The following REC8 variants were observed in gnomAD, a reference collection of about 807,000 sequenced individuals.
REC8 encodes the protein meiotic recombination protein REC8 homolog.
A neutral mutation model predicts 78.3 loss-of-function variants in REC8; 42 were observed. That is an observed-to-expected ratio of 0.54 (90% confidence interval 0.42 to 0.69). The LOEUF is 0.69. Ranked by LOEUF, REC8 falls within the 30% of genes least tolerant of loss-of-function variation. The pLI is 0.00. For synonymous variants in REC8, 268 were observed against 274.1 expected, an observed-to-expected ratio of 0.98 and a Z score of 0.22; for missense variants, 581 against 715.8, an observed-to-expected ratio of 0.81 and a Z score of 2.15.
At chr14:24,177,089 T>A in intron 7 of REC8, 52 bp from the exon 8 acceptor site, 4 of 1,580,000 alleles carry the variant, frequency 2.5e-6, no homozygotes, top group Non-Finnish European at 3.5e-6. Flanking sequence ...TCCACTTGCC[T>A]TTTTCAGAAA....
chr14:24,178,244 C>T, intron 12 of REC8, 22 bp downstream of exon 12: 2 of 1,603,094 alleles, frequency 1.2e-6, no homozygotes, highest in Non-Finnish European at 1.7e-6. Context: ...CCAGGCTTTG[C>T]CGGGGAAGGG....
Position 24,177,714 on chromosome 14 carries a change from A to AC in REC8, c.827dup (p.Glu277GlyfsTer85), listed in dbSNP as rs766853930. The AC allele has an allele frequency of 4.2e-5, 68 of 1,608,306 alleles. No homozygotes were observed. The highest frequency in any genetic ancestry group is 5.5e-5 in the Non-Finnish European group (65 of 1,177,576). On this transcript the variant is annotated frameshift_variant, in exon 11 of 19. Coordinates refer to ENST00000611366, the MANE Select transcript of REC8 (RefSeq NM_001048205.2). LOFTEE classifies it high-confidence loss of function. ...CCCCTTGGGTGTTGTTGCAGAGGTGACCCCCCCGGAGGAGCTGCGTCTGCC... is the reference window on the plus strand; with the variant it reads ...CCCCTTGGGTGTTGTTGCAGAGGTGACCCCCCCCGGAGGAGCTGCGTCTGCC...
At position 24,172,296 on chromosome 14, in the gene REC8, T is replaced by A; in HGVS notation, c.-257T>A. ...ACCCAGAAGTCTCAAGTTTGACGCA[T>A]CACGTGGCGTGCGGATCCACTGAGG... On this transcript the variant is annotated 5_prime_UTR_variant, in exon 1 of 19. Transcript: ENST00000611366. The A allele has an allele frequency of 1.9e-6, 1 of 528,742 alleles. No homozygotes were observed. Among genetic ancestry groups the A allele is most frequent in the Non-Finnish European group, 3.3e-6 (1 of 299,036 alleles). The allele number at this position is 528,742 out of a possible 1,614,324, so 32.8% of individuals were successfully genotyped here.
rs1470095485 is a variant in REC8 at position 24,179,635 on chromosome 14, C to G, written c.1360C>G (p.Pro454Ala). The G allele has an allele frequency of 6.2e-7, 1 of 1,614,204 alleles. No individual in the cohort carries two copies. Among genetic ancestry groups the G allele is most frequent in the Non-Finnish European group, 8.5e-7 (1 of 1,180,030 alleles). Residue 454 changes from proline (P) to alanine (A), a missense_variant, in exon 17 of 19, where the codon CCC becomes GCC. Transcript: ENST00000611366. ...GGAGGCGCCAGAAGCTCCTGCATTG[C>G]CCGTGGTGCCTGAACTCCCTGAGGT... ...EVEAPEAPALPVVPELPEVPM... is the reference protein window; with the variant it reads ...EVEAPEAPALAVVPELPEVPM...
In REC8 at chr14:24,177,660, G is replaced by A. The variant is rs200087129; in HGVS notation, c.815-49G>A. The A allele has an allele frequency of 6.9e-6, 11 of 1,587,496 alleles. No homozygotes were observed. In the African/African-American group the frequency reaches 1.4e-4, roughly 20 times the overall value. ...CCTGCAGTTTCTTGCCCTGGCATCT[G>A]CAAGGGGTAAGGGGCTTATGGGACA... On this transcript the variant is annotated intron_variant, in intron 10 of 18. Transcript: ENST00000611366.
In REC8 at chr14:24,176,907, T is replaced by A; in HGVS notation, c.624+6T>A. 1 of 1,610,202 alleles carries A rather than the reference T, an allele frequency of 6.2e-7. No individual in the cohort carries two copies. Among genetic ancestry groups the A allele is most frequent in the Non-Finnish European group, 8.5e-7 (1 of 1,177,028 alleles). On this transcript the variant is annotated splice_donor_region_variant and intron_variant, in intron 7 of 18. Coordinates refer to ENST00000611366, the MANE Select transcript of REC8 (RefSeq NM_001048205.2). ...TACGGATGCTGGAGATTGAGGTGAG[T>A]TCCCCTGCACACAGGGCCTGAGGTC... is the stretch of plus-strand genomic sequence containing the variant.
rs1566637675 is a variant in REC8, at chr14:24,179,386, TCCC to T, written c.1253-8_1253-6del. Reference sequence around the variant, plus strand: ...AGCAGACACCCACTAGCGCCTTTCCTCCCCCAACAGAGATCTCCCTAGAGGCAG... The same window carrying T: ...AGCAGACACCCACTAGCGCCTTTCCTCCAACAGAGATCTCCCTAGAGGCAG... On this transcript the variant is annotated splice_region_variant and splice_polypyrimidine_tract_variant and intron_variant, in intron 15 of 18. Coordinates refer to ENST00000611366, the MANE Select transcript of REC8 (RefSeq NM_001048205.2). The T allele has an allele frequency of 1.9e-6, 3 of 1,613,442 alleles. No homozygotes were observed. The highest frequency in any genetic ancestry group is 1.1e-5 in the South Asian group (1 of 91,064).
At chr14:24,175,463 T>G in intron 5 of REC8, 80 bp from the exon 6 acceptor site, 1 of 1,093,376 alleles carries the variant, frequency 9.1e-7, no homozygotes, top group Non-Finnish European at 1.4e-6. Context: ...TACCGTGCAT[T>G]GTTGAAGAAG....
chr14:24,180,428 C>G, downstream of REC8: 1 of 1,601,772 alleles, frequency 6.2e-7, no homozygotes, highest in Non-Finnish European at 8.5e-7. Flanking sequence ...TCTGGACTGG[C>G]TGCAGCCTGC....
chr14:24,175,384 A>C lies in REC8; in HGVS notation c.463-159A>C, dbSNP rs183901930. ...GGTGAGAACAGGAACTGAGGAAAGA[A>C]GACCAGAGGGCGGGTGAGTTTACTG... On this transcript the variant is annotated intron_variant, in intron 5 of 18. Transcript: ENST00000611366. 1.2e-4 allele frequency: 75 copies of C among 608,684 alleles called. No individual in the cohort carries two copies. In the East Asian group the frequency reaches 2.1e-3, roughly 17 times the overall value. 37.7% of individuals were successfully genotyped at this position (608,684 alleles called of 1,614,324 possible).
At chr14:24,174,189 G>A (rs1050529499) in intron 5 of REC8, among the ~76,000 whole-genome samples, 1 of 151,916 alleles carries the variant, frequency 6.6e-6, no homozygotes, top group African/African-American at 2.4e-5. Context: ...TCGCCTTATC[G>A]GCCAGGCTGG....
At chr14:24,175,479 GA>G in intron 5 of REC8, 63 bp from the exon 6 acceptor site, 1 of 1,296,082 alleles carries the variant, frequency 7.7e-7, no homozygotes, top group Non-Finnish European at 1.1e-6. Context: ...AGAAGGCTGT[GA>G]AAAGTGGGAA....
chr14:24,179,445 T>C lies in REC8; in HGVS notation c.1301T>C (p.Ile434Thr). 1 of 1,614,108 alleles carries C rather than the reference T, an allele frequency of 6.2e-7. No homozygotes were observed. The highest frequency in any genetic ancestry group is 8.5e-7 in the Non-Finnish European group (1 of 1,180,020). ...GAGGAGAAGTCCCGCATCAGCCTCA[T>C]CCCACCAGAAGAACGGTGGTAAGCG... ...AEEEKSRISL[I>T]PPEERWAWPE... Residue 434 changes from isoleucine to threonine, a missense_variant, in exon 16 of 19, where the codon ATC (isoleucine) becomes ACC (threonine). Transcript: ENST00000611366.
rs1378522873 is a variant in REC8 at position 24,172,273 on chromosome 14, C to G, written c.-280C>G. ...CTGCATCTCCAACCTGGAACCCAAC[C>G]CAGAAGTCTCAAGTTTGACGCATCA... On this transcript the variant is annotated 5_prime_UTR_variant, in exon 1 of 19. Coordinates refer to ENST00000611366, the MANE Select transcript of REC8 (RefSeq NM_001048205.2). 1 of 504,410 alleles carries G rather than the reference C, an allele frequency of 2.0e-6. No homozygotes were observed. The highest frequency in any genetic ancestry group is 1.9e-5 in the African/African-American group (1 of 51,718). The allele number at this position is 504,410 out of a possible 1,614,324, so 31.2% of individuals were successfully genotyped here. A position where few individuals can be genotyped will look rare whatever the true frequency, so the allele number is the denominator to read the frequency against.
At chr14:24,173,091 A>T in intron 3 of REC8, 35 bp from the exon 4 acceptor site, 1 of 1,612,946 alleles carries the variant, frequency 6.2e-7, no homozygotes, top group Non-Finnish European at 8.5e-7. Flanking sequence ...GCTGTCTGCT[A>T]AGCTGGCTGT....
In REC8 at chr14:24,178,877, G is replaced by A. The variant is rs1216273946; in HGVS notation, c.1164G>A (p.Glu388=). The A allele has an allele frequency of 6.2e-7, 1 of 1,613,530 alleles. No homozygotes were observed. Among genetic ancestry groups the A allele is most frequent in the East Asian group, 2.2e-5 (1 of 44,888 alleles). The change falls in exon 14 of 19, where the codon GAG becomes GAA. Residue 388 remains glutamate (E), a synonymous_variant. Transcript: ENST00000611366. ...AGCTGCCTGAGGAGGCAGCCGCTGA[G>A]GAGGAAAGGAGAAAGATTGAAGTTC... The part of the protein sequence containing the change: ...RRELPEEAAA[E]EERRKIEVPS...
chr14:24,172,673 C>T, intron 1 of REC8, 40 bp from the exon 2 acceptor site: 1 of 1,613,902 alleles, frequency 6.2e-7, no homozygotes, highest in South Asian at 1.1e-5. Flanking sequence ...TGACAGCTCC[C>T]CCTCCATCCC....
chr14:24,178,769 G>A lies in REC8; in HGVS notation c.1064-8G>A. The A allele has an allele frequency of 6.2e-7, 1 of 1,607,774 alleles. No homozygotes were observed. The highest frequency in any genetic ancestry group is 8.5e-7 in the Non-Finnish European group (1 of 1,175,390). On this transcript the variant is annotated splice_polypyrimidine_tract_variant and splice_region_variant and intron_variant, in intron 13 of 18. Coordinates refer to ENST00000611366, the MANE Select transcript of REC8 (RefSeq NM_001048205.2). ...CAAACCCCGTGCCTACTACCCTCTT[G>A]TCCACAGCTGGCTGGCTACCCCCTG...
chr14:24,177,297 GGCAA>G, intron 8 of REC8, 52 bp from the exon 9 acceptor site: 2 of 1,613,768 alleles, frequency 1.2e-6, no homozygotes, highest in Non-Finnish European at 1.7e-6. Flanking sequence ...TCTGGGACTG[GGCAA>G]TGCTCCCATT....
Sources: allele counts gnomAD v4.1 joint callset (sites outside exome capture counted in the v4.1 genomes callset), GRCh38; gene constraint gnomAD v4.1.1; transcripts MANE v1.5; gene names NCBI Gene and HGNC (gene_info 2026-07-23, HGNC 2026-07-21).